Variants in PTPRS observed in about 807,000 individuals in gnomAD.
PTPRS encodes protein tyrosine phosphatase receptor type S, also known as receptor-type tyrosine-protein phosphatase S.
Under a neutral mutation model 215.3 loss-of-function variants are expected in PTPRS, and 63 were observed. The ratio of observed to expected loss-of-function variants is 0.29; its 90% confidence interval spans 0.24 to 0.36. The LOEUF is 0.36. PTPRS is among the 10% of genes least tolerant of loss of function. The pLI, the probability that PTPRS is intolerant of heterozygous loss-of-function variation, is 1.00. For missense variants in PTPRS, 2,258 were observed against 2,825.8 expected, an observed-to-expected ratio of 0.80 and a Z score of 4.56; for synonymous variants, 1,404 against 1,191.4, an observed-to-expected ratio of 1.18 and a Z score of -3.68.
chr19:5,310,099 C>T (rs1169810246), intron 1 of PTPRS, among the ~76,000 whole-genome samples: 3 of 152,162 alleles, frequency 2.0e-5, no homozygotes, highest in Non-Finnish European at 4.4e-5. Flanking sequence ...CAGGCCTCCT[C>T]GCTGTTCCTC....
In PTPRS at chr19:5,243,895, C is replaced by A; in HGVS notation, c.1570+6G>T. On this transcript the variant is annotated splice_donor_region_variant and intron_variant, in intron 11 of 37. Transcript: ENST00000262963. ...GGCCCCGAGTCCTGCCGACCCCACG[C>A]CTCACCTCCCTGCTGCGTCTTGACC... 1 of 1,489,640 alleles carries A rather than the reference C, an allele frequency of 6.7e-7. No homozygotes were observed. The allele number at this position is 1,489,640 out of a possible 1,614,324, so 92.3% of individuals were successfully genotyped here.
chr19:5,240,367 G>T, intron 11 of PTPRS, 35 bp from the exon 12 acceptor site: 2 of 1,549,406 alleles, frequency 1.3e-6, no homozygotes, highest in Non-Finnish European at 1.7e-6. Flanking sequence ...AGGAGTCGGG[G>T]AGCGTCCACC....
At chr19:5,224,137 C>A (rs1261735708) in intron 17 of PTPRS, among the ~76,000 whole-genome samples, 2 of 151,330 alleles carry the variant, frequency 1.3e-5, no homozygotes, top group Non-Finnish European at 2.9e-5. Flanking sequence ...CAAGATCGTG[C>A]CACTGCACTC....
At chr19:5,308,118 G>A (rs1433510416) in intron 1 of PTPRS, among the ~76,000 whole-genome samples, 1 of 152,168 alleles carries the variant, frequency 6.6e-6, no homozygotes, top group African/African-American at 2.4e-5. Flanking sequence ...TATCCCATGT[G>A]TACGCATTCT....
intron 1 of PTPRS, among the ~76,000 whole-genome samples, chr19:5,304,810 G>C (rs568790127): frequency 1.7e-4 from 26 of 152,222 alleles, no homozygotes; most frequent in African/African-American, 6.3e-4. Flanking sequence ...AGAAGGAACA[G>C]CATATGCCAA....
intron 1 of PTPRS, among the ~76,000 whole-genome samples, chr19:5,288,988 G>A (rs112970040): frequency 3.9e-5 from 6 of 152,306 alleles, no homozygotes; most frequent in African/African-American, 1.4e-4. Context: ...GCCTGTCAGG[G>A]GCAGGGACGA....
In PTPRS at chr19:5,303,401, C is replaced by T. The variant is rs528639209; in HGVS notation, c.-94-17167G>A. 1.4e-4 allele frequency among the ~76,000 whole-genome samples: 22 copies of T among 152,306 alleles called. No individual in the cohort carries two copies. In the South Asian group the frequency reaches 4.1e-3, roughly 29 times the overall value. Reference sequence around the variant, plus strand: ...GTTTTGGTCACAGCTGAAACTCCAGCACCTACTGTGTGCTAGAGCTGTCTT... The same window carrying T: ...GTTTTGGTCACAGCTGAAACTCCAGTACCTACTGTGTGCTAGAGCTGTCTT... On this transcript the variant is annotated intron_variant, in intron 1 of 37. Transcript: ENST00000262963.
Position 5,244,602 on chromosome 19 carries a change from T to C in PTPRS, c.989-120A>G, listed in dbSNP as rs1308650011. 10 of 767,768 alleles carry C rather than the reference T, an allele frequency of 1.3e-5. No homozygotes were observed. Among genetic ancestry groups the C allele is most frequent in the Non-Finnish European group, 2.1e-6 (1 of 480,910 alleles). The allele number at this position is 767,768 out of a possible 1,614,324, so 47.6% of individuals were successfully genotyped here. ...GCCTTGATTTGCCCAGCAGTAATCA[T>C]GGGCCTCATGACTCCTGTCATCGTC... On this transcript the variant is annotated intron_variant, in intron 10 of 37. Coordinates refer to ENST00000262963, the MANE Select transcript of PTPRS (RefSeq NM_002850.4). The surrounding 1 kb of genome is among the most constrained non-coding windows in gnomAD (Gnocchi z 7.2).
chr19:5,264,384 C>T (rs977541591), intron 5 of PTPRS, among the ~76,000 whole-genome samples: 1 of 152,216 alleles, frequency 6.6e-6, no homozygotes, highest in African/African-American at 2.4e-5. Context: ...CCCATTGAAG[C>T]TGGTCTCCCC....
intron 24 of PTPRS, 124 bp downstream of exon 24, chr19:5,218,663 G>T: frequency 6.7e-7 from 1 of 1,497,756 alleles, no homozygotes; most frequent in Non-Finnish European, 9.3e-7. Context: ...CCAGGACCAA[G>T]TACAGCTACG....
At chr19:5,337,899 A>C (rs1461328186) in intron 1 of PTPRS, among the ~76,000 whole-genome samples, 1 of 152,094 alleles carries the variant, frequency 6.6e-6, no homozygotes, top group African/African-American at 2.4e-5. Context: ...CCGGGGTATA[A>C]GGAGTGATTT....
chr19:5,263,042 T>C, intron 5 of PTPRS, 70 bp from the exon 6 acceptor site: 7 of 879,506 alleles, frequency 8.0e-6, no homozygotes, highest in Non-Finnish European at 8.1e-6. Context: ...AAGAATCCTA[T>C]GTCCTCAGCG....
At chr19:5,302,334 C>G (rs2049327231) in intron 1 of PTPRS, among the ~76,000 whole-genome samples, 1 of 152,090 alleles carries the variant, frequency 6.6e-6, no homozygotes, top group African/African-American at 2.4e-5. Context: ...CACTAAACAC[C>G]AGCTTGGGTG....
chr19:5,223,161 G>C lies in PTPRS; in HGVS notation c.2631C>G (p.Pro877=). ...AGGGCGGGAACTCCAGGGTGGCCAG[G>C]GGCGTCGAGTCCTCACGGCCAAACT... ...RLQFGREDST[P]LATLEFPPSE... The change falls in exon 18 of 38, where the codon CCC becomes CCG. Residue 877 remains proline (P), a synonymous_variant. Transcript: ENST00000262963. 1 of 1,569,160 alleles carries C rather than the reference G, an allele frequency of 6.4e-7. No homozygotes were observed. Among genetic ancestry groups the C allele is most frequent in the Non-Finnish European group, 8.6e-7 (1 of 1,157,454 alleles).
chr19:5,239,962 C>T (rs920299554), intron 12 of PTPRS, among the ~76,000 whole-genome samples: 4 of 151,942 alleles, frequency 2.6e-5, no homozygotes, highest in African/African-American at 4.8e-5. Context: ...CCGATACATA[C>T]GGAACCAGAG....
Position 5,209,487 on chromosome 19 carries a change from C to T in PTPRS, c.5487+982G>A, listed in dbSNP as rs2040665987. Reference sequence around the variant, plus strand: ...CACCATTTGCCATCCAATGTACCATCTTTCCCTGATGTTTTACATTTTCTA... The same window carrying T: ...CACCATTTGCCATCCAATGTACCATTTTTCCCTGATGTTTTACATTTTCTA... On this transcript the variant is annotated intron_variant, in intron 35 of 37. Transcript: ENST00000262963. Among the ~76,000 whole-genome samples, 8 of 152,320 alleles carry T rather than the reference C, an allele frequency of 5.3e-5. No individual in the cohort carries two copies. In the South Asian group the frequency reaches 1.7e-3, roughly 32 times the overall value.
rs1266682132 is a variant in PTPRS at position 5,222,741 on chromosome 19, G to A, written c.3051C>T (p.Gly1017=). ...DLQVRAHTRR[G]PGPFSPPVRY... ...GGACGGGGGGGCTGAAGGGGCCAGG[G>A]CCCCGGCGCGTGTGGGCTCGCACTT... The change falls in exon 18 of 38, where the codon GGC becomes GGT. Residue 1017 remains glycine, a synonymous_variant. Coordinates refer to ENST00000262963, the MANE Select transcript of PTPRS (RefSeq NM_002850.4). 5 of 1,598,162 alleles carry A rather than the reference G, an allele frequency of 3.1e-6. No individual in the cohort carries two copies. The highest frequency in any genetic ancestry group is 1.1e-5 in the South Asian group (1 of 90,920).
intron 13 of PTPRS, among the ~76,000 whole-genome samples, chr19:5,238,036 G>A (rs1012849419): frequency 6.6e-6 from 1 of 152,136 alleles, no homozygotes; most frequent in African/African-American, 2.4e-5. Context: ...GGGTGGCTAC[G>A]CCGTGACTGA....
chr19:5,239,138 G>A, intron 12 of PTPRS, 75 bp from the exon 13 acceptor site: 3 of 1,147,978 alleles, frequency 2.6e-6, no homozygotes, highest in Non-Finnish European at 3.8e-6. Context: ...GGGAGAGAGA[G>A]AGAGACAGAA....
Sources: gnomAD v4.1 joint callset for allele counts (sites outside exome capture counted in the v4.1 genomes callset) on GRCh38, gnomAD v4.1.1 for gene constraint, Gnocchi (gnomAD v3.1) non-coding constraint, MANE v1.5 for transcripts, NCBI Gene and HGNC (gene_info 2026-07-23, HGNC 2026-07-21) for gene names.